The following L3MBTL4 variants were observed in gnomAD, a reference collection of about 807,000 sequenced individuals.
L3MBTL4 encodes the protein lethal(3)malignant brain tumor-like protein 4.
A neutral mutation model predicts 84.5 loss-of-function variants in L3MBTL4; 70 were observed. That is an observed-to-expected ratio of 0.83 (90% CI 0.68 to 1.01). The LOEUF is 1.01. L3MBTL4 is among the 50% of genes least tolerant of loss of function. L3MBTL4 has a pLI of 0.00. For synonymous variants in L3MBTL4, 274 were observed against 259.8 expected (o/e 1.05, Z -0.52); for missense variants, 715 against 754.8 (o/e 0.95, Z 0.62).
intron 7 of L3MBTL4, 110 bp from the exon 8 acceptor site, chr18:6,241,559 G>C: frequency 2.5e-5 from 14 of 561,552 alleles, no homozygotes; most frequent in Non-Finnish European, 2.5e-5. Flanking sequence ...ACTTTTAATG[G>C]AAAAAAAACG....
intron 13 of L3MBTL4, among the ~76,000 whole-genome samples, chr18:6,167,584 T>C (rs958043733): frequency 3.3e-5 from 5 of 152,172 alleles, no homozygotes; most frequent in Admixed American, 2.6e-4. Flanking sequence ...AACCACATGA[T>C]TATCTCAATA....
chr18:6,099,331 C>G (rs2058736148), intron 14 of L3MBTL4, among the ~76,000 whole-genome samples: 1 of 151,570 alleles, frequency 6.6e-6, no homozygotes, highest in Non-Finnish European at 1.5e-5. Flanking sequence ...TAATAAATAC[C>G]AAAATGCAGA....
chr18:6,048,576 CA>C (rs1247960285), intron 16 of L3MBTL4, among the ~76,000 whole-genome samples: 1 of 152,044 alleles, frequency 6.6e-6, no homozygotes, highest in Non-Finnish European at 1.5e-5. Flanking sequence ...GCAGGTGGCT[CA>C]CTTAAGGTCA....
intron 1 of L3MBTL4, among the ~76,000 whole-genome samples, chr18:6,379,494 G>A (rs1367410989): frequency 1.3e-5 from 2 of 152,010 alleles, no homozygotes; most frequent in East Asian, 1.9e-4. Context: ...ATGTTCCATC[G>A]ATACCTAGTT....
intron 5 of L3MBTL4, among the ~76,000 whole-genome samples, chr18:6,253,028 C>T (rs113445488): frequency 0.087 from 13,180 of 152,104 alleles, 1,839 homozygotes; most frequent in African/African-American, 0.29. Flanking sequence ...GTGGTGAAAC[C>T]CCGTCTCTAC....
At chr18:6,092,615 T>C (rs1179929471) in intron 15 of L3MBTL4, among the ~76,000 whole-genome samples, 1 of 152,232 alleles carries the variant, frequency 6.6e-6, no homozygotes, top group Non-Finnish European at 1.5e-5. Flanking sequence ...CTAGCCTTTC[T>C]TGGCTCAGTC....
intron 1 of L3MBTL4, among the ~76,000 whole-genome samples, chr18:6,345,215 CA>C (rs35502624): frequency 0.05 from 1,923 of 38,510 alleles, 10 homozygotes; most frequent in Non-Finnish European, 0.067. Flanking sequence ...TACTAAAATA[CA>C]AAAAAAAAAA....
At chr18:6,345,255 G>GGCAT (rs1255188788) in intron 1 of L3MBTL4, among the ~76,000 whole-genome samples, 2 of 150,038 alleles carry the variant, frequency 1.3e-5, no homozygotes, top group Non-Finnish European at 3.0e-5. Context: ...AAAAGAGCCG[G>GGCAT]GCATGGCAGC....
intron 1 of L3MBTL4, among the ~76,000 whole-genome samples, chr18:6,354,986 T>G (rs912583062): frequency 2.0e-5 from 3 of 152,200 alleles, no homozygotes; most frequent in Admixed American, 2.0e-4. Flanking sequence ...TGCACTCCCA[T>G]GTTTGTTGTA....
At chr18:6,148,832 C>T (rs1449430254) in intron 13 of L3MBTL4, among the ~76,000 whole-genome samples, 2 of 152,094 alleles carry the variant, frequency 1.3e-5, no homozygotes, top group Non-Finnish European at 2.9e-5. Flanking sequence ...CTACCCTTAA[C>T]TAACATTAGA....
chr18:6,016,225 A>G (rs2054971579), intron 16 of L3MBTL4, among the ~76,000 whole-genome samples: 1 of 152,104 alleles, frequency 6.6e-6, no homozygotes, highest in African/African-American at 2.4e-5. Flanking sequence ...GGGGAGCAGC[A>G]GGGGCACGGA....
intron 16 of L3MBTL4, among the ~76,000 whole-genome samples, chr18:6,052,803 C>G (rs1349639204): frequency 2.0e-5 from 3 of 152,176 alleles, no homozygotes; most frequent in African/African-American, 7.2e-5. Context: ...ATAAAGAATT[C>G]CAACACTGCT....
chr18:5,984,829 T>G (rs2053398285), intron 16 of L3MBTL4, among the ~76,000 whole-genome samples: 2 of 152,210 alleles, frequency 1.3e-5, no homozygotes, highest in Non-Finnish European at 2.9e-5. Context: ...CTACGTGTCT[T>G]TAGGAGTATT....
intron 3 of L3MBTL4, among the ~76,000 whole-genome samples, chr18:6,305,671 A>G (rs1223818156): frequency 6.6e-6 from 1 of 152,178 alleles, no homozygotes; most frequent in East Asian, 1.9e-4. Flanking sequence ...AGGAACATAA[A>G]ATAAGTCTTT....
intron 13 of L3MBTL4, among the ~76,000 whole-genome samples, chr18:6,166,373 A>G (rs548997364): frequency 2.0e-5 from 3 of 152,216 alleles, no homozygotes; most frequent in Non-Finnish European, 4.4e-5. Context: ...AACAGAATAT[A>G]CATTTTTTTC....
At chr18:6,363,146 A>G (rs547171827) in intron 1 of L3MBTL4, among the ~76,000 whole-genome samples, 29 of 152,344 alleles carry the variant, frequency 1.9e-4, no homozygotes, top group African/African-American at 6.3e-4. Flanking sequence ...GAAGGAGAGA[A>G]AAATCGCCAA....
chr18:6,172,007 A>G (rs963355580), intron 12 of L3MBTL4, 65 bp from the exon 13 acceptor site: 1 of 739,130 alleles, frequency 1.4e-6, no homozygotes, highest in African/African-American at 1.8e-5. Flanking sequence ...CTGTATCAAA[A>G]TATTTGAATA....
chr18:6,240,938 T>C (rs1329918011), intron 8 of L3MBTL4, among the ~76,000 whole-genome samples: 2 of 152,200 alleles, frequency 1.3e-5, no homozygotes, highest in Non-Finnish European at 1.5e-5. Context: ...GAACACCCCT[T>C]CAATTAGTAC....
chr18:6,289,178 G>T (rs1380469304), intron 4 of L3MBTL4, among the ~76,000 whole-genome samples: 20 of 152,078 alleles, frequency 1.3e-4, no homozygotes, highest in Admixed American at 1.1e-3. Flanking sequence ...AGTTTAAAAA[G>T]ATTTATAAAG....
Sources: gnomAD v4.1 joint callset for allele counts (sites outside exome capture counted in the v4.1 genomes callset) on GRCh38, gnomAD v4.1.1 for gene constraint, MANE v1.5 for transcripts, NCBI Gene and HGNC (gene_info 2026-07-23, HGNC 2026-07-21) for gene names.